PTPN13: variants seen among roughly 807,000 people sequenced by gnomAD.
The protein encoded by PTPN13 is protein tyrosine phosphatase non-receptor type 13.
PTPN13 carries 191 observed loss-of-function variants against 284.0 expected under a neutral mutation model. The observed-to-expected ratio is 0.67, with a 90% CI of 0.60 to 0.76. The LOEUF is 0.76. PTPN13 is among the 30% of genes least tolerant of loss of function. The pLI, the probability that PTPN13 is intolerant of heterozygous loss-of-function variation, is 0.00. For synonymous variants in PTPN13, 986 were observed against 1,022.3 expected (o/e 0.96, Z 0.68); for missense variants, 2,797 against 2,939.9 (o/e 0.95, Z 1.12).
chr4:86,617,619 C>G (rs909226188), intron 1 of PTPN13, among the ~76,000 whole-genome samples: 32 of 152,186 alleles, frequency 2.1e-4, no homozygotes, highest in Non-Finnish European at 4.3e-4. Context: ...TAATGATCGC[C>G]ATTCTAACTG....
At chr4:86,759,938 T>C (rs527297979) in intron 23 of PTPN13, among the ~76,000 whole-genome samples, 7 of 152,246 alleles carry the variant, frequency 4.6e-5, no homozygotes, top group East Asian at 1.9e-4. Context: ...GCCAAAGATA[T>C]TGGGAAATAC....
intron 1 of PTPN13, among the ~76,000 whole-genome samples, chr4:86,614,944 G>C (rs1720375878): frequency 6.6e-6 from 1 of 152,060 alleles, no homozygotes; most frequent in Non-Finnish European, 1.5e-5. Context: ...GAAGTAGGGG[G>C]TTGTCATCTA....
intron 30 of PTPN13, 74 bp downstream of exon 30, chr4:86,770,273 T>A (rs1739836924): frequency 5.1e-6 from 7 of 1,363,174 alleles, no homozygotes; most frequent in Non-Finnish European, 7.2e-6. Context: ...GCTGTGGTGG[T>A]TTCATCATGA....
At position 86,811,070 on chromosome 4, in the gene PTPN13, T is replaced by C. The variant is rs375849277; in HGVS notation, c.7324T>C (p.Cys2442Arg). 49 of 1,613,486 alleles carry C rather than the reference T, an allele frequency of 3.0e-5. No homozygotes were observed. Among genetic ancestry groups the C allele is most frequent in the Non-Finnish European group, 3.5e-5 (41 of 1,179,608 alleles). ...LDFDISDLVR[C>R]MRLQRHGMVQ... Reference sequence around the variant, plus strand: ...GTTTGACATCTCTGATTTGGTGCGCTGCATGAGACTACAAAGACACGGAAT... The same window carrying C: ...GTTTGACATCTCTGATTTGGTGCGCCGCATGAGACTACAAAGACACGGAAT... The change falls in exon 47 of 48, where the codon TGC (cysteine) becomes CGC (arginine). Residue 2442 changes from cysteine to arginine, a missense_variant. Coordinates refer to ENST00000411767, the MANE Select transcript of PTPN13 (RefSeq NM_080683.3).
At chr4:86,655,356 G>C (rs1197001455) in intron 2 of PTPN13, among the ~76,000 whole-genome samples, 3 of 152,060 alleles carry the variant, frequency 2.0e-5, no homozygotes, top group Admixed American at 1.3e-4. Context: ...TTACAATTTG[G>C]CATGTTTTTG....
chr4:86,671,307 A>G (rs1219551462), intron 2 of PTPN13, among the ~76,000 whole-genome samples: 1 of 152,122 alleles, frequency 6.6e-6, no homozygotes, highest in Non-Finnish European at 1.5e-5. Context: ...TTTTCCATGA[A>G]CTTCTGTCAA....
intron 3 of PTPN13, among the ~76,000 whole-genome samples, chr4:86,679,275 A>G (rs1728625470): frequency 1.3e-5 from 2 of 152,170 alleles, no homozygotes; most frequent in Non-Finnish European, 1.5e-5. Flanking sequence ...GCTTTCTCTT[A>G]TGCTCTATTG....
At chr4:86,802,584 G>A (rs183358823) in intron 42 of PTPN13, among the ~76,000 whole-genome samples, 3 of 152,260 alleles carry the variant, frequency 2.0e-5, no homozygotes, top group East Asian at 1.9e-4. Flanking sequence ...TAAAAGCTGG[G>A]TGTGGGAGTG....
Position 86,758,992 on chromosome 4 carries a change from C to A in PTPN13, c.3472C>A (p.His1158Asn). 2 of 1,613,700 alleles carry A rather than the reference C, an allele frequency of 1.2e-6. No homozygotes were observed. Among genetic ancestry groups the A allele is most frequent in the South Asian group, 1.1e-5 (1 of 91,072 alleles). The change falls in exon 23 of 48, where the codon CAT becomes AAT. Residue 1158 changes from histidine (H) to asparagine (N), a missense_variant. Coordinates refer to ENST00000411767, the MANE Select transcript of PTPN13 (RefSeq NM_080683.3). ...TGTGAGTCTGGAGGGAGTCAGCCAC[C>A]ATGCTGCAATTGAAATTTTGCAAAA... ...NSVSLEGVSHHAAIEILQNAP... is the reference protein window; with the variant it reads ...NSVSLEGVSHNAAIEILQNAP...
chr4:86,609,792 A>T (rs1285723028), intron 1 of PTPN13, among the ~76,000 whole-genome samples: 1 of 152,102 alleles, frequency 6.6e-6, no homozygotes, highest in Non-Finnish European at 1.5e-5. Context: ...GGTTTTGTTT[A>T]AGTTGAAAAT....
rs927731251 is a variant in PTPN13 at position 86,672,334 on chromosome 4, T to A, written c.116-31T>A. ...TTTAAGCAATTTTCTTCTTTTTTTT[T>A]ATTTTTTATTTTGGTGCAATTACAA... On this transcript the variant is annotated intron_variant, in intron 2 of 47. Transcript: ENST00000411767. The A allele has an allele frequency of 2.2e-5, 32 of 1,485,424 alleles. No homozygotes were observed. In the Middle Eastern group the frequency reaches 7.0e-4, roughly 33 times the overall value. The allele number at this position is 1,485,424 out of a possible 1,614,324, so 92.0% of individuals were successfully genotyped here. A position where few individuals can be genotyped will look rare whatever the true frequency, so the allele number is the denominator to read the frequency against.
At chr4:86,709,550 A>G (rs1276772900) in intron 7 of PTPN13, among the ~76,000 whole-genome samples, 2 of 152,214 alleles carry the variant, frequency 1.3e-5, no homozygotes, top group South Asian at 2.1e-4. Flanking sequence ...AGTGAGGACA[A>G]ATCACACCTC....
Position 86,767,898 on chromosome 4 carries a change from G to A in PTPN13, c.4411G>A (p.Asp1471Asn). The change falls in exon 28 of 48, where the codon GAT becomes AAT. Residue 1471 changes from aspartate to asparagine, a missense_variant. Transcript: ENST00000411767. Reference sequence around the variant, plus strand: ...GGTAACCCCACAGTGTACCCTTTCAGATCAGAATGCCCAAGGTCAAGGCCC... The same window carrying A: ...GGTAACCCCACAGTGTACCCTTTCAAATCAGAATGCCCAAGGTCAAGGCCC... The part of the protein sequence containing the change: ...VPVTPQCTLS[D>N]QNAQGQGPEK... 5.0e-6 allele frequency: 8 copies of A among 1,609,220 alleles called. No individual in the cohort carries two copies. Among genetic ancestry groups the A allele is most frequent in the Non-Finnish European group, 6.8e-6 (8 of 1,177,600 alleles).
chr4:86,762,681 G>T (rs373910663), intron 23 of PTPN13, 46 bp from the exon 24 acceptor site: 3 of 1,382,490 alleles, frequency 2.2e-6, no homozygotes, highest in South Asian at 1.3e-5. Context: ...GTGTAAGCAC[G>T]TGTATCACTA....
chr4:86,688,961 T>G (rs1729735226), intron 4 of PTPN13, 44 bp from the exon 5 acceptor site: 1 of 1,455,666 alleles, frequency 6.9e-7, no homozygotes, highest in Non-Finnish European at 9.6e-7. Flanking sequence ...AGAAAAAATA[T>G]TTGCTCACAT....
At position 86,811,032 on chromosome 4, in the gene PTPN13, G is replaced by A; in HGVS notation, c.7300-14G>A. ...ATCCTTTGAATCTAACACATATGTG[G>A]TTTCCTCTGACAGTTTGACATCTCT... On this transcript the variant is annotated splice_polypyrimidine_tract_variant and intron_variant, in intron 46 of 47. Coordinates refer to ENST00000411767, the MANE Select transcript of PTPN13 (RefSeq NM_080683.3). The A allele has an allele frequency of 9.3e-6, 15 of 1,610,378 alleles. No individual in the cohort carries two copies. Among genetic ancestry groups the A allele is most frequent in the Non-Finnish European group, 1.3e-5 (15 of 1,176,990 alleles).
At chr4:86,595,456 A>G (rs2149129889) in intron 1 of PTPN13, among the ~76,000 whole-genome samples, 1 of 152,264 alleles carries the variant, frequency 6.6e-6, no homozygotes, top group Admixed American at 6.5e-5. Flanking sequence ...AACCAAAGTC[A>G]AGAAAATTCT....
intron 16 of PTPN13, among the ~76,000 whole-genome samples, chr4:86,744,242 G>T (rs555389376): frequency 6.6e-6 from 1 of 152,044 alleles, no homozygotes; most frequent in South Asian, 2.1e-4. Context: ...ATGCCACCCA[G>T]ACTCTACTTG....
At chr4:86,657,213 G>A (rs926786485) in intron 2 of PTPN13, among the ~76,000 whole-genome samples, 2 of 152,096 alleles carry the variant, frequency 1.3e-5, no homozygotes, top group African/African-American at 2.4e-5. Flanking sequence ...GCTCATGCTC[G>A]GTGGGCTGCA....
Sources: gnomAD v4.1 joint callset for allele counts (sites outside exome capture counted in the v4.1 genomes callset) on GRCh38, gnomAD v4.1.1 for gene constraint, MANE v1.5 for transcripts, NCBI Gene and HGNC (gene_info 2026-07-23, HGNC 2026-07-21) for gene names.